The following SENP6 variants were observed in gnomAD, a reference collection of about 807,000 sequenced individuals.
The protein encoded by SENP6 is SUMO specific peptidase 6.
A neutral mutation model predicts 134.5 loss-of-function variants in SENP6; 41 were observed. The observed-to-expected ratio is 0.30, with a 90% confidence interval of 0.24 to 0.40. The LOEUF (loss-of-function observed/expected upper bound fraction) is 0.40, where lower values mean the gene tolerates loss of function less well. Ranked by LOEUF, SENP6 falls within the 10% of genes least tolerant of loss-of-function variation. The pLI, the probability that SENP6 is intolerant of heterozygous loss-of-function variation, is 1.00. For synonymous variants in SENP6, 395 were observed against 429.8 expected, an observed-to-expected ratio of 0.92 and a Z score of 1.00; for missense variants, 1,248 against 1,312.5, an observed-to-expected ratio of 0.95 and a Z score of 0.76.
chr6:75,635,143 A>G lies in SENP6; in HGVS notation c.458+332A>G, dbSNP rs1276518428. The G allele has an allele frequency of 1.1e-5, 4 of 356,926 alleles. No homozygotes were observed. The East Asian group carries it at 2.7e-4, about 24-fold the overall frequency. The allele number at this position is 356,926 out of a possible 1,614,324, so 22.1% of individuals were successfully genotyped here. A position where few individuals can be genotyped will look rare whatever the true frequency, so the allele number is the denominator to read the frequency against. On this transcript the variant is annotated intron_variant, in intron 5 of 23. Coordinates refer to ENST00000447266, the MANE Select transcript of SENP6 (RefSeq NM_015571.4). ...AGTTGGTAGTTTAGCTCTGAAGAGT[A>G]AAATTACAGTTAATACCGTACTTTC...
intron 12 of SENP6, 55 bp from the exon 13 acceptor site, chr6:75,675,805 T>C (rs1773043213): frequency 7.0e-7 from 1 of 1,428,408 alleles, no homozygotes; most frequent in Non-Finnish European, 9.6e-7. Context: ...ATTTCCCCCA[T>C]TCATGATATT....
At chr6:75,648,142 G>A (rs79360186) in intron 7 of SENP6, among the ~76,000 whole-genome samples, 2,578 of 152,054 alleles carry the variant, frequency 0.017, 74 homozygotes, top group African/African-American at 0.06. Flanking sequence ...CCACTTACTG[G>A]TTTTGCTTCT....
At position 75,619,650 on chromosome 6, in the gene SENP6, G is replaced by A. The variant is rs73453058; in HGVS notation, c.53-1882G>A. Among the ~76,000 whole-genome samples the A allele has an allele frequency of 1.3e-3, 199 of 152,224 alleles. 1 individual carries two copies. Among genetic ancestry groups the A allele is most frequent in the African/African-American group, 4.4e-3 (184 of 41,528 alleles). ...TCCCTAGAAGTGAAATTGCTAGCTCGTAGGGTAATTCTATGTTTAACTTTT... is the reference window on the plus strand; with the variant it reads ...TCCCTAGAAGTGAAATTGCTAGCTCATAGGGTAATTCTATGTTTAACTTTT... On this transcript the variant is annotated intron_variant, in intron 1 of 23. Coordinates refer to ENST00000447266, the MANE Select transcript of SENP6 (RefSeq NM_015571.4).
chr6:75,700,656 A>G (rs1446926556), intron 18 of SENP6, among the ~76,000 whole-genome samples: 2 of 151,942 alleles, frequency 1.3e-5, no homozygotes, highest in Non-Finnish European at 2.9e-5. Flanking sequence ...ACACCCAGCT[A>G]ATATTTTGTG....
At chr6:75,695,099 C>T (rs1774563899) in intron 16 of SENP6, among the ~76,000 whole-genome samples, 2 of 152,110 alleles carry the variant, frequency 1.3e-5, no homozygotes, top group African/African-American at 4.8e-5. Flanking sequence ...TGGTCTTGAG[C>T]TCCCAACCTC....
intron 1 of SENP6, among the ~76,000 whole-genome samples, chr6:75,607,312 A>G (rs1582645357): frequency 2.0e-5 from 3 of 152,000 alleles, no homozygotes; most frequent in Non-Finnish European, 4.4e-5. Flanking sequence ...AAAAAAAAAA[A>G]GGTCATCAGC....
chr6:75,639,283 G>GT (rs1769845982), intron 5 of SENP6, among the ~76,000 whole-genome samples: 1 of 151,944 alleles, frequency 6.6e-6, no homozygotes, highest in African/African-American at 2.4e-5. Flanking sequence ...ATATTCCCTT[G>GT]TTTTTCTGTC....
At chr6:75,622,659 AAT>A (rs770921173) in intron 2 of SENP6, 11 of 532,364 alleles carry the variant, frequency 2.1e-5, no homozygotes, top group Non-Finnish European at 3.5e-5. Context: ...GAGATCCACA[AAT>A]ATACACACAA....
chr6:75,625,069 T>C (rs1241774565), intron 3 of SENP6, among the ~76,000 whole-genome samples: 1 of 151,686 alleles, frequency 6.6e-6, no homozygotes, highest in East Asian at 1.9e-4. Flanking sequence ...ATTGGCCCTT[T>C]GCTGTGATAC....
chr6:75,715,422 C>G lies in SENP6; in HGVS notation c.3167C>G (p.Ala1056Gly). Residue 1056 changes from alanine to glycine, a missense_variant, in exon 24 of 24, where the codon GCA (alanine) becomes GGA (glycine). By Grantham distance (60) the Ala-to-Gly change is moderately conservative. Coordinates refer to ENST00000447266, the MANE Select transcript of SENP6 (RefSeq NM_015571.4). ...ILSFELPMNL[A>G]NWFPPPRMRT... ...AGTTTTGAACTACCTATGAATTTGG[C>G]AAACTGGTTTCCTCCACCAAGAATG... 1 of 1,613,068 alleles carries G rather than the reference C, an allele frequency of 6.2e-7. No individual in the cohort carries two copies. The highest frequency in any genetic ancestry group is 8.5e-7 in the Non-Finnish European group (1 of 1,179,372).
At position 75,640,703 on chromosome 6, in the gene SENP6, A is replaced by T; in HGVS notation, c.478A>T (p.Arg160Trp). The T allele has an allele frequency of 6.6e-7, 1 of 1,511,024 alleles. No homozygotes were observed. The highest frequency in any genetic ancestry group is 2.4e-5 in the East Asian group (1 of 42,048). The allele number at this position is 1,511,024 out of a possible 1,614,324, so 93.6% of individuals were successfully genotyped here. ...AAQSSLDRKE[R>W]KEYPPHVQKV... ...TTTAAGCAGTCTGGACCGAAAAGAA[A>T]GGTAAGCTTAATATTGAAGAAATTA... The change falls in exon 6 of 24, where the codon AGG becomes TGG. Residue 160 changes from arginine to tryptophan, a missense_variant and splice_region_variant. Arg to Trp is a moderately radical substitution (Grantham distance 101). Transcript: ENST00000447266.
In SENP6 at chr6:75,659,352, A is replaced by T; in HGVS notation, c.641A>T (p.Tyr214Phe). 6.2e-7 allele frequency: 1 copy of T among 1,611,234 alleles called. No individual in the cohort carries two copies. The highest frequency in any genetic ancestry group is 8.5e-7 in the Non-Finnish European group (1 of 1,177,558). Residue 214 changes from tyrosine (Y) to phenylalanine (F), a missense_variant, in exon 8 of 24, where the codon TAT becomes TTT. Around this residue, in one of 3 missense-constraint regions of SENP6, gnomAD observed 733 missense variants for 725.4 expected, o/e 1.01. Transcript: ENST00000447266. ...KVQQKRHCSTYQPTPPLSPAS... is the reference protein window; with the variant it reads ...KVQQKRHCSTFQPTPPLSPAS... Reference sequence around the variant, plus strand: ...CAACAGAAACGACACTGTAGTACCTATCAGCCTACTCCTCCTCTATCTCCT... The same window carrying T: ...CAACAGAAACGACACTGTAGTACCTTTCAGCCTACTCCTCCTCTATCTCCT...
chr6:75,633,677 A>G lies in SENP6; in HGVS notation c.304A>G (p.Lys102Glu). 1 of 1,612,612 alleles carries G rather than the reference A, an allele frequency of 6.2e-7. No individual in the cohort carries two copies. The highest frequency in any genetic ancestry group is 8.5e-7 in the Non-Finnish European group (1 of 1,179,386). Residue 102 changes from lysine to glutamate, a missense_variant, in exon 4 of 24, where the codon AAA (lysine) becomes GAA (glutamate). By Grantham distance (56) the Lys-to-Glu change is moderately conservative. Around this residue, in one of 3 missense-constraint regions of SENP6, gnomAD observed 733 missense variants for 725.4 expected, o/e 1.01. Coordinates refer to ENST00000447266, the MANE Select transcript of SENP6 (RefSeq NM_015571.4). ...RNKSESFKTL[K>E]GNPIGLNMLS... ...CAAGTCTGAAAGTTTTAAAACTTTG[A>G]AAGGCAACCCAATTGGACTTAACAT...
At chr6:75,610,527 GGTT>G (rs1767364773) in intron 1 of SENP6, among the ~76,000 whole-genome samples, 1 of 152,104 alleles carries the variant, frequency 6.6e-6, no homozygotes, top group African/African-American at 2.4e-5. Context: ...CTAAAAACAG[GGTT>G]GTTTTTGGAC....
In SENP6 at chr6:75,675,795, A is replaced by G. The variant is rs2842535; in HGVS notation, c.1427-65A>G. On this transcript the variant is annotated intron_variant, in intron 12 of 23. Coordinates refer to ENST00000447266, the MANE Select transcript of SENP6 (RefSeq NM_015571.4). The stretch of plus-strand genomic sequence containing the variant: ...TTACTTAAACTTGTATTTCCTCACA[A>G]TTTCCCCCATTCATGATATTACCCT... 483,187 of 1,342,664 alleles carry G rather than the reference A, an allele frequency of 0.36. 91,523 individuals carry two copies. Among genetic ancestry groups the G allele is most frequent in the Admixed American group, 0.55 (24,383 of 44,410 alleles). The allele number at this position is 1,342,664 out of a possible 1,614,324, so 83.2% of individuals were successfully genotyped here. A position where few individuals can be genotyped will look rare whatever the true frequency, so the allele number is the denominator to read the frequency against.
rs373435139 is a variant in SENP6, at chr6:75,673,319, C to CTTTTTT, written c.1393-2101_1393-2096dup. On this transcript the variant is annotated intron_variant, in intron 11 of 23. Transcript: ENST00000447266. ...TGTAGATGAAATAGACCAATGTCTA[C>CTTTTTT]TTTTTTTTTTTTTTTTTTTTGAGAC... Among the ~76,000 whole-genome samples, 23 of 116,922 alleles carry CTTTTTT rather than the reference C, an allele frequency of 2.0e-4. 1 individual carries two copies. The highest frequency in any genetic ancestry group is 6.0e-4 in the African/African-American group (18 of 30,058). The allele number at this position is 116,922 out of a possible 152,430, so 76.7% of individuals were successfully genotyped here.
chr6:75,623,800 T>C lies in SENP6; in HGVS notation c.147-100T>C, dbSNP rs1768455836. 1.4e-5 allele frequency: 14 copies of C among 1,019,624 alleles called. No individual in the cohort carries two copies. In the South Asian group the frequency reaches 2.3e-4, roughly 17 times the overall value. The allele number at this position is 1,019,624 out of a possible 1,614,324, so 63.2% of individuals were successfully genotyped here. ...TTGGCCCTTTACAGAAAAAGTTTGC[T>C]GATTCCCTGAATTAGGTGAACATAG... On this transcript the variant is annotated intron_variant, in intron 2 of 23. Transcript: ENST00000447266.
chr6:75,702,748 A>G lies in SENP6; in HGVS notation c.2392A>G (p.Thr798Ala). ...HENAVIQKCS[T>A]VEDSCISSSA... Reference sequence around the variant, plus strand: ...AAATGCTGTCATACAGAAATGTTCAACTGTAGAGGACAGTTGTATTTCTTC... The same window carrying G: ...AAATGCTGTCATACAGAAATGTTCAGCTGTAGAGGACAGTTGTATTTCTTC... Residue 798 changes from threonine (T) to alanine (A), a missense_variant, in exon 19 of 24, where the codon ACT (threonine) becomes GCT (alanine). By Grantham distance (58) the Thr-to-Ala change is moderately conservative. Transcript: ENST00000447266. The G allele has an allele frequency of 6.2e-7, 1 of 1,614,076 alleles. No homozygotes were observed. Among genetic ancestry groups the G allele is most frequent in the Non-Finnish European group, 8.5e-7 (1 of 1,179,974 alleles).
rs922279449 is a variant in SENP6 at position 75,677,188 on chromosome 6, G to A, written c.1780G>A (p.Ala594Thr). Residue 594 changes from alanine to threonine, a missense_variant, in exon 14 of 24, where the codon GCC (alanine) becomes ACC (threonine). Transcript: ENST00000447266. ...TGAAGAAGCTAATGGCAGACTTGTT[G>A]CCTGTACAAGAACCTATGAAGAGAG... ...PFEEANGRLV[A>T]CTRTYEESIK... is the part of the protein sequence containing the mutation. The A allele has an allele frequency of 6.2e-7, 1 of 1,612,592 alleles. No homozygotes were observed. The highest frequency in any genetic ancestry group is 8.5e-7 in the Non-Finnish European group (1 of 1,179,190).
Sources: allele counts gnomAD v4.1 joint callset (sites outside exome capture counted in the v4.1 genomes callset), GRCh38; gene constraint gnomAD v4.1.1; regional missense constraint gnomAD v4.1.1; transcripts MANE v1.5; gene names NCBI Gene and HGNC (gene_info 2026-07-23, HGNC 2026-07-21).